ANK2: variants seen among roughly 807,000 people sequenced by gnomAD.
ANK2 encodes the protein ankyrin-2.
In ANK2, 83 loss-of-function variants were observed where a neutral mutation model predicts 360.5. The observed-to-expected ratio is 0.23, with a 90% CI of 0.19 to 0.28. The LOEUF is 0.28. Ranked by LOEUF, ANK2 falls within the 10% of genes least tolerant of loss-of-function variation. ANK2 has a pLI of 1.00. For synonymous variants in ANK2, 1,740 were observed against 1,759.5 expected, an observed-to-expected ratio of 0.99 and a Z score of 0.28; for missense variants, 4,201 against 4,795.7, an observed-to-expected ratio of 0.88 and a Z score of 3.66.
chr4:113,105,762 T>C (rs1324311396), intron 1 of ANK2, among the ~76,000 whole-genome samples: 1 of 152,198 alleles, frequency 6.6e-6, no homozygotes, highest in African/African-American at 2.4e-5. Flanking sequence ...GAAATTTTCT[T>C]ACCTTAAACA....
the ANK2 span, among the ~76,000 whole-genome samples, chr4:112,750,240 T>C: frequency 6.6e-6 from 1 of 151,926 alleles, no homozygotes; most frequent in Non-Finnish European, 1.5e-5. Flanking sequence ...GAGACCAGCC[T>C]GGGCAACATG....
At chr4:112,901,122 C>T (rs868472885) in intron 1 of ANK2, among the ~76,000 whole-genome samples, 12 of 152,166 alleles carry the variant, frequency 7.9e-5, no homozygotes, top group Non-Finnish European at 1.2e-4. Context: ...CATTGGAAGG[C>T]ACCTATATAA....
chr4:113,321,605 G>GT (rs1033427819), intron 26 of ANK2, among the ~76,000 whole-genome samples: 3 of 152,002 alleles, frequency 2.0e-5, no homozygotes, highest in Non-Finnish European at 2.9e-5. Flanking sequence ...TGTAGCAAGA[G>GT]TTTTTTGTAA....
intron 4 of ANK2, among the ~76,000 whole-genome samples, chr4:113,224,848 A>T (rs2099195829): frequency 6.8e-6 from 1 of 148,068 alleles, no homozygotes; most frequent in Non-Finnish European, 1.5e-5. Context: ...AGTTTTCTAT[A>T]TTAAGTTCTG....
chr4:113,281,820 A>C (rs2062510256), intron 17 of ANK2, among the ~76,000 whole-genome samples: 1 of 152,110 alleles, frequency 6.6e-6, no homozygotes. Flanking sequence ...CCTCTCCACA[A>C]ACTCCCGCCC....
chr4:113,355,170 A>G lies in ANK2; in HGVS notation c.6552A>G (p.Lys2184=). ...FNTTFPLDYM[K]DEFLPALSLQ... ...CAACATTTCCACTCGACTACATGAA[A>G]GATGAGTTCCTTCCAGCTCTGTCTT... The change falls in exon 38 of 46, where the codon AAA becomes AAG. Residue 2184 remains lysine, a synonymous_variant. Coordinates refer to ENST00000357077, the MANE Select transcript of ANK2 (RefSeq NM_001148.6). 6.2e-7 allele frequency: 1 copy of G among 1,614,170 alleles called. No homozygotes were observed. The highest frequency in any genetic ancestry group is 2.2e-5 in the East Asian group (1 of 44,880).
At chr4:112,830,532 T>C (rs886107646) in intron 1 of ANK2, among the ~76,000 whole-genome samples, 3 of 152,188 alleles carry the variant, frequency 2.0e-5, no homozygotes, top group Non-Finnish European at 2.9e-5. Context: ...AGAGTGAAGA[T>C]TGGTACTTAT....
chr4:113,369,950 C>A, intron 43 of ANK2, 145 bp downstream of exon 43: 1 of 966,286 alleles, frequency 1.0e-6, no homozygotes, highest in Non-Finnish European at 1.5e-6. Context: ...AACCCTCAAT[C>A]CCTTTTAAAA....
the ANK2 span, among the ~76,000 whole-genome samples, chr4:112,762,758 C>T: frequency 2.0e-5 from 3 of 152,248 alleles, no homozygotes; most frequent in African/African-American, 7.2e-5. Context: ...GATCCACCCG[C>T]CTTGGCCTCC....
At chr4:113,371,396 G>T (rs1235684515) in intron 43 of ANK2, among the ~76,000 whole-genome samples, 1 of 152,164 alleles carries the variant, frequency 6.6e-6, no homozygotes, top group Admixed American at 6.5e-5. Flanking sequence ...TGGCTTGAAT[G>T]AGTACTACTA....
chr4:112,939,901 T>C (rs1426433600), intron 2 of ANK2, among the ~76,000 whole-genome samples: 1 of 152,228 alleles, frequency 6.6e-6, no homozygotes, highest in African/African-American at 2.4e-5. Context: ...TAGAGTTGTT[T>C]CAACGATCAT....
the ANK2 span, among the ~76,000 whole-genome samples, chr4:112,787,278 A>T: frequency 6.6e-6 from 1 of 152,280 alleles, no homozygotes; most frequent in South Asian, 2.1e-4. Context: ...AGTTCTTCAC[A>T]TGTAAAGACC....
At chr4:113,378,205 C>T in intron 45 of ANK2, 2 of 1,113,242 alleles carry the variant, frequency 1.8e-6, no homozygotes, top group Non-Finnish European at 2.4e-6. Context: ...TGGGGTGATG[C>T]TTTGCCAACT....
At chr4:113,120,061 GC>G (rs1203355825) in intron 1 of ANK2, among the ~76,000 whole-genome samples, 1 of 151,988 alleles carries the variant, frequency 6.6e-6, no homozygotes, top group Non-Finnish European at 1.5e-5. Flanking sequence ...CTCATTATAA[GC>G]AGAACTTATC....
chr4:113,219,647 T>A (rs1462646913), intron 4 of ANK2, among the ~76,000 whole-genome samples: 1 of 152,148 alleles, frequency 6.6e-6, no homozygotes, highest in African/African-American at 2.4e-5. Flanking sequence ...TTTTTTGTAG[T>A]TTAACCTCAT....
At chr4:112,761,239 CT>C in the ANK2 span, among the ~76,000 whole-genome samples, 1 of 152,252 alleles carries the variant, frequency 6.6e-6, no homozygotes, top group African/African-American at 2.4e-5. Flanking sequence ...CTTGAAATAT[CT>C]TGAATTAGAA....
At chr4:113,272,412 C>T (rs2058878422) in intron 14 of ANK2, among the ~76,000 whole-genome samples, 1 of 152,188 alleles carries the variant, frequency 6.6e-6, no homozygotes, top group African/African-American at 2.4e-5. Flanking sequence ...CAATTCTTTT[C>T]CCTGGTTTAA....
At position 112,860,308 on chromosome 4, in the gene ANK2, C is replaced by A. The variant is rs574819995; in HGVS notation, c.-40+42044C>A. ...GTGGTGTGATCTTGGCTCACTGCAA[C>A]CTCCGCCTCCCGGGTTCAAGCGATT... On this transcript the variant is annotated intron_variant, in intron 1 of 30. Coordinates refer to the ANK2 transcript ENST00000503271. 2.6e-4 allele frequency among the ~76,000 whole-genome samples: 39 copies of A among 152,112 alleles called. No individual in the cohort carries two copies. In the East Asian group the frequency reaches 5.6e-3, roughly 22 times the overall value.
intron 2 of ANK2, among the ~76,000 whole-genome samples, chr4:113,033,644 G>A (rs1346660486): frequency 6.6e-6 from 1 of 151,758 alleles, no homozygotes; most frequent in Non-Finnish European, 1.5e-5. Context: ...CTGCAAATTG[G>A]TCAGATGGAA....
Sources: allele counts gnomAD v4.1 joint callset (sites outside exome capture counted in the v4.1 genomes callset), GRCh38; gene constraint gnomAD v4.1.1; transcripts MANE v1.5; gene names NCBI Gene and HGNC (gene_info 2026-07-23, HGNC 2026-07-21).